Variants in DMD observed in about 807,000 individuals in gnomAD.
DMD encodes the protein dystrophin.
A neutral mutation model predicts 330.1 loss-of-function variants in DMD; 63 were observed. The observed-to-expected ratio is 0.19, with a 90% CI of 0.16 to 0.24. DMD has a LOEUF of 0.24. Among genes scored for constraint, DMD ranks in the 10% least tolerant of loss-of-function variants. The pLI is 1.00. For synonymous variants in DMD, 1,223 were observed against 959.8 expected (o/e 1.27, Z -5.07); for missense variants, 3,344 against 2,684.1 (o/e 1.25, Z -5.43).
In DMD at chrX:31,991,124, C is replaced by A. The variant is rs111363988; in HGVS notation, c.6439-22610G>T. Among the ~76,000 whole-genome samples the A allele has an allele frequency of 1.5e-4, 17 of 111,452 alleles. 1 individual carries two copies. The South Asian group carries it at 3.4e-3, about 22-fold the overall frequency. On this transcript the variant is annotated intron_variant, in intron 44 of 78. Transcript: ENST00000357033. ...TGCAAGAACACAGGGGGATTTATGACGCATAATATTGAGATTATATTAAAA... is the reference window on the plus strand; with the variant it reads ...TGCAAGAACACAGGGGGATTTATGAAGCATAATATTGAGATTATATTAAAA...
In DMD at chrX:31,126,661, G is replaced by A. The variant is rs1569297977; in HGVS notation, c.11027C>T (p.Pro3676Leu). 1 of 1,199,642 alleles carries A rather than the reference G, an allele frequency of 8.3e-7. No individual in the cohort carries two copies. The highest frequency in any genetic ancestry group is 1.7e-5 in the African/African-American group (1 of 57,480). ...SFPSSRGRNT[P>L]GKPMREDTM Reference sequence around the variant, plus strand: ...ACTAACCTCTCTCATTGGCTTTCCAGGGGTATTTCTTCCTTTAATAATAGA... The same window carrying A: ...ACTAACCTCTCTCATTGGCTTTCCAAGGGTATTTCTTCCTTTAATAATAGA... Residue 3676 changes from proline to leucine, a missense_variant, in exon 78 of 79, where the codon CCT (proline) becomes CTT (leucine). Transcript: ENST00000357033.
At chrX:32,018,506 G>A (rs2095783592) in intron 44 of DMD, among the ~76,000 whole-genome samples, 1 of 111,361 alleles carries the variant, frequency 9.0e-6, no homozygotes, top group Admixed American at 9.6e-5. Context: ...CACCCAGAGT[G>A]ACTCTGACAT....
At chrX:33,184,929 G>T (rs1382775755) in intron 1 of DMD, among the ~76,000 whole-genome samples, 2 of 109,042 alleles carry the variant, frequency 1.8e-5, no homozygotes, top group Non-Finnish European at 3.8e-5. Context: ...TCACCATGTT[G>T]GTCAGGCTGG....
intron 50 of DMD, among the ~76,000 whole-genome samples, chrX:31,800,526 G>T (rs2092014653): frequency 8.9e-6 from 1 of 112,200 alleles, no homozygotes; most frequent in Non-Finnish European, 1.9e-5. Flanking sequence ...CTGGGCTTGT[G>T]ATGGGAGGGG....
intron 2 of DMD, among the ~76,000 whole-genome samples, chrX:32,859,458 ATC>A (rs1436566261): frequency 6.4e-5 from 5 of 78,062 alleles, no homozygotes; most frequent in African/African-American, 1.4e-4. Context: ...ACGAAGCAAG[ATC>A]TCACACACAC....
intron 76 of DMD, among the ~76,000 whole-genome samples, chrX:31,143,871 G>A (rs779231846): frequency 8.9e-6 from 1 of 111,791 alleles, no homozygotes; most frequent in African/African-American, 3.2e-5. Flanking sequence ...TCCTGAAGTA[G>A]AAAAAAATAA....
intron 30 of DMD, among the ~76,000 whole-genome samples, chrX:32,407,061 A>G (rs1317320106): frequency 9.0e-6 from 1 of 111,472 alleles, no homozygotes. Flanking sequence ...GGACATAGGC[A>G]CGGGCAAGGA....
At chrX:32,663,731 A>G (rs1164772709) in intron 9 of DMD, among the ~76,000 whole-genome samples, 1 of 112,024 alleles carries the variant, frequency 8.9e-6, no homozygotes, top group African/African-American at 3.3e-5. Flanking sequence ...GAAATAAGTA[A>G]AATAGAAGGA....
intron 50 of DMD, among the ~76,000 whole-genome samples, chrX:31,805,705 T>C (rs1046271092): frequency 8.9e-6 from 1 of 112,234 alleles, no homozygotes; most frequent in African/African-American, 3.2e-5. Flanking sequence ...ATTCTTTCCA[T>C]GAGTGGCTTT....
intron 44 of DMD, among the ~76,000 whole-genome samples, chrX:31,977,084 G>T (rs1326885092): frequency 8.9e-6 from 1 of 111,852 alleles, no homozygotes; most frequent in African/African-American, 3.2e-5. Flanking sequence ...GTAAGGAAAA[G>T]AAACAGACAA....
chrX:32,054,151 C>A (rs1603623454), intron 44 of DMD, among the ~76,000 whole-genome samples: 2 of 91,910 alleles, frequency 2.2e-5, no homozygotes, highest in African/African-American at 4.0e-5. Context: ...GACTGAGGAA[C>A]CAAAAAGAAA....
chrX:31,190,860 C>G (rs781335456), intron 67 of DMD, among the ~76,000 whole-genome samples: 27 of 111,270 alleles, frequency 2.4e-4, no homozygotes, highest in Non-Finnish European at 4.1e-4. Flanking sequence ...ACAGACTTCC[C>G]TGAGAGTCCT....
intron 62 of DMD, among the ~76,000 whole-genome samples, chrX:31,279,103 A>C (rs2052412477): frequency 8.9e-6 from 1 of 112,163 alleles, no homozygotes; most frequent in Non-Finnish European, 1.9e-5. Flanking sequence ...TTCAGTATTT[A>C]ATCACAGCAG....
chrX:32,153,213 C>T, intron 44 of DMD, among the ~76,000 whole-genome samples: 1 of 111,855 alleles, frequency 8.9e-6, no homozygotes, highest in East Asian at 2.8e-4. Context: ...TTATATTTCT[C>T]TTTTTTTAAG....
At chrX:32,452,577 T>A (rs2098339063) in intron 26 of DMD, among the ~76,000 whole-genome samples, 1 of 109,731 alleles carries the variant, frequency 9.1e-6, no homozygotes, top group Admixed American at 9.7e-5. Context: ...CTACCACAAA[T>A]AAAGTCTGTG....
At chrX:32,857,508 C>A (rs943885072) in intron 2 of DMD, among the ~76,000 whole-genome samples, 1 of 111,943 alleles carries the variant, frequency 8.9e-6, no homozygotes. Flanking sequence ...CTTATCTGAG[C>A]AAAGCATGAC....
chrX:33,166,656 T>G lies in DMD; in HGVS notation c.31+44626A>C, dbSNP rs764523819. ...CATTTATGTCTATTTTTTAAAACAT[T>G]GCTTCTTCTATAATTTCTCCTCTTT... On this transcript the variant is annotated intron_variant, in intron 1 of 78. Transcript: ENST00000357033. Among the ~76,000 whole-genome samples the G allele has an allele frequency of 3.6e-5, 4 of 111,099 alleles. No homozygotes were observed. The East Asian group carries it at 1.1e-3, about 31-fold the overall frequency.
At chrX:31,697,061 C>T (rs5972432) in intron 52 of DMD, among the ~76,000 whole-genome samples, 1,884 of 111,918 alleles carry the variant, frequency 0.017, 22 homozygotes, top group East Asian at 0.035. Flanking sequence ...ATCATCAGAG[C>T]GAAGCTGTTA....
chrX:31,608,002 A>T (rs928574432), intron 55 of DMD, among the ~76,000 whole-genome samples: 2 of 112,336 alleles, frequency 1.8e-5, no homozygotes, highest in African/African-American at 3.2e-5. Context: ...CCAACAAATG[A>T]TAACAATAAA....
Sources: gnomAD v4.1 joint callset for allele counts (sites outside exome capture counted in the v4.1 genomes callset) on GRCh38, gnomAD v4.1.1 for gene constraint, MANE v1.5 for transcripts, NCBI Gene and HGNC (gene_info 2026-07-23, HGNC 2026-07-21) for gene names.